The following SLC41A3 variants were observed in gnomAD, a reference collection of about 807,000 sequenced individuals.
The protein encoded by SLC41A3 is SLC41A1-like 2.
In SLC41A3, 44 loss-of-function variants were observed where a neutral mutation model predicts 45.4. The observed-to-expected ratio is 0.97, with a 90% CI of 0.76 to 1.25. The LOEUF (loss-of-function observed/expected upper bound fraction) is 1.25. Among genes scored for constraint, SLC41A3 ranks in the 50% most tolerant of loss-of-function variants. The probability of loss-of-function intolerance (pLI) is 0.00; values close to 1 mark genes in which losing one functional copy is unlikely to be tolerated. For missense variants in SLC41A3, 550 were observed against 600.6 expected, an observed-to-expected ratio of 0.92 and a Z score of 0.88; for synonymous variants, 256 against 252.4, an observed-to-expected ratio of 1.01 and a Z score of -0.13.
intron 4 of SLC41A3, among the ~76,000 whole-genome samples, chr3:126,029,720 G>C (rs1226612859): frequency 6.6e-6 from 1 of 152,150 alleles, no homozygotes; most frequent in African/African-American, 2.4e-5. Context: ...ATGAGTAACT[G>C]TGCAAGAATA....
chr3:126,099,294 C>A (rs1172248512), intron 1 of SLC41A3, among the ~76,000 whole-genome samples: 3 of 152,140 alleles, frequency 2.0e-5, no homozygotes, highest in African/African-American at 7.2e-5. Context: ...CCTGGTGAAG[C>A]ATGGATTATC....
intron 2 of SLC41A3, among the ~76,000 whole-genome samples, chr3:126,066,584 C>T (rs1478880817): frequency 1.3e-5 from 2 of 152,152 alleles, no homozygotes; most frequent in African/African-American, 4.8e-5. Flanking sequence ...ACAAGCATTT[C>T]CCTGTGGTAC....
intron 8 of SLC41A3, among the ~76,000 whole-genome samples, chr3:126,013,520 G>A (rs567519735): frequency 1.7e-4 from 26 of 151,086 alleles, no homozygotes; most frequent in Admixed American, 1.4e-3. Flanking sequence ...CCAAGATCAC[G>A]CCACTGCACT....
Position 126,061,626 on chromosome 3 carries a change from G to A in SLC41A3, c.273+6321C>T, listed in dbSNP as rs148373994. On this transcript the variant is annotated intron_variant, in intron 2 of 10. Coordinates refer to ENST00000360370, the MANE Select transcript of SLC41A3 (RefSeq NM_017836.4). ...CTGCTGTGGCCCTCACCTGTCCAGG[G>A]CTGGGTGTCAAGGGTCCACCATACC... Among the ~76,000 whole-genome samples, 331 of 152,254 alleles carry A rather than the reference G, an allele frequency of 2.2e-3. 2 individuals carry two copies. Among genetic ancestry groups the A allele is most frequent in the African/African-American group, 7.6e-3 (316 of 41,546 alleles).
chr3:126,071,508 A>G (rs1944614832), intron 1 of SLC41A3, among the ~76,000 whole-genome samples: 1 of 152,220 alleles, frequency 6.6e-6, no homozygotes, highest in Non-Finnish European at 1.5e-5. Flanking sequence ...AATTTCAACA[A>G]AAGAAAGAGG....
At chr3:126,077,908 G>A (rs1349411586) in intron 1 of SLC41A3, among the ~76,000 whole-genome samples, 2 of 152,220 alleles carry the variant, frequency 1.3e-5, no homozygotes, top group African/African-American at 2.4e-5. Flanking sequence ...GGCACAGGGA[G>A]GCATCTCGAG....
chr3:126,006,936 T>C lies in SLC41A3; in HGVS notation c.*80A>G, dbSNP rs1175268793. The stretch of plus-strand genomic sequence containing the variant: ...GCAGGGGTCAACCATCCCAAGGACC[T>C]GGCAAGGGAGAAACTGAATTCTGTA... On this transcript the variant is annotated 3_prime_UTR_variant, in exon 11 of 11. Transcript: ENST00000360370. 5.0e-6 allele frequency: 8 copies of C among 1,590,398 alleles called. No individual in the cohort carries two copies. The highest frequency in any genetic ancestry group is 6.9e-6 in the Non-Finnish European group (8 of 1,167,286).
At chr3:126,040,047 G>T (rs1379626307) in intron 3 of SLC41A3, among the ~76,000 whole-genome samples, 3 of 152,198 alleles carry the variant, frequency 2.0e-5, no homozygotes, top group Non-Finnish European at 4.4e-5. Flanking sequence ...GTGTGTACCT[G>T]GAGTATCTGA....
intron 3 of SLC41A3, among the ~76,000 whole-genome samples, chr3:126,046,067 C>A (rs1942938978): frequency 6.8e-6 from 1 of 147,388 alleles, no homozygotes; most frequent in Non-Finnish European, 1.5e-5. Context: ...AAAAAACACC[C>A]AACAAACTAG....
intron 2 of SLC41A3, among the ~76,000 whole-genome samples, chr3:126,065,968 C>A (rs1944327610): frequency 6.6e-6 from 1 of 152,204 alleles, no homozygotes; most frequent in African/African-American, 2.4e-5. Flanking sequence ...CCACAGCAGG[C>A]AGCAGCCCTG....
At chr3:126,089,832 T>C (rs1945456262) in intron 1 of SLC41A3, among the ~76,000 whole-genome samples, 1 of 152,152 alleles carries the variant, frequency 6.6e-6, no homozygotes, top group Admixed American at 6.5e-5. Context: ...TCTTGCTACC[T>C]GGGAATATAA....
intron 6 of SLC41A3, 52 bp downstream of exon 6, chr3:126,022,734 A>G: frequency 6.2e-7 from 1 of 1,607,488 alleles, no homozygotes; most frequent in South Asian, 1.1e-5. Context: ...GACCTGCTCC[A>G]GGGCCCCCCC....
Position 126,006,660 on chromosome 3 carries a change from G to T in SLC41A3, c.*356C>A. 1 of 1,498,068 alleles carries T rather than the reference G, an allele frequency of 6.7e-7. No individual in the cohort carries two copies. Among genetic ancestry groups the T allele is most frequent in the African/African-American group, 1.4e-5 (1 of 71,236 alleles). The allele number at this position is 1,498,068 out of a possible 1,614,324, so 92.8% of individuals were successfully genotyped here. A position where few individuals can be genotyped will look rare whatever the true frequency, so the allele number is the denominator to read the frequency against. Reference sequence around the variant, plus strand: ...GCTCCACCCCAATCTGGGTTGCATGGGCATGGAAAAGAGCAAACACACCCT... The same window carrying T: ...GCTCCACCCCAATCTGGGTTGCATGTGCATGGAAAAGAGCAAACACACCCT... On this transcript the variant is annotated 3_prime_UTR_variant, in exon 11 of 11. Coordinates refer to ENST00000360370, the MANE Select transcript of SLC41A3 (RefSeq NM_017836.4).
At chr3:126,019,564 C>T (rs140473164) in intron 6 of SLC41A3, among the ~76,000 whole-genome samples, 1 of 152,336 alleles carries the variant, frequency 6.6e-6, no homozygotes, top group Non-Finnish European at 1.5e-5. Context: ...AAACAAGCTA[C>T]CTGCTTCTAA....
At chr3:126,032,333 G>A (rs1941859924) in intron 4 of SLC41A3, among the ~76,000 whole-genome samples, 1 of 152,226 alleles carries the variant, frequency 6.6e-6, no homozygotes, top group Non-Finnish European at 1.5e-5. Context: ...AGGCAGGGGA[G>A]GAGGAGGAGA....
chr3:126,055,289 T>A (rs1382540416), intron 2 of SLC41A3, among the ~76,000 whole-genome samples: 1 of 151,850 alleles, frequency 6.6e-6, no homozygotes, highest in African/African-American at 2.4e-5. Context: ...CTGAGGTGGG[T>A]GGATCACGAG....
chr3:126,041,988 T>G (rs903880184), intron 3 of SLC41A3, among the ~76,000 whole-genome samples: 2 of 152,148 alleles, frequency 1.3e-5, no homozygotes, highest in Non-Finnish European at 2.9e-5. Flanking sequence ...ATGGTGCAGT[T>G]GGGAGGAACC....
Position 126,006,963 on chromosome 3 carries a change from C to A in SLC41A3, c.*53G>T. The A allele has an allele frequency of 6.2e-7, 1 of 1,610,222 alleles. No individual in the cohort carries two copies. Among genetic ancestry groups the A allele is most frequent in the South Asian group, 1.1e-5 (1 of 90,544 alleles). ...GCAAGGGAGAAACTGAATTCTGTAT[C>A]CCACTGATGTGAGAGGAAATTCTAA... On this transcript the variant is annotated 3_prime_UTR_variant, in exon 11 of 11. Transcript: ENST00000360370.
chr3:126,034,684 C>A (rs1360352885), intron 3 of SLC41A3, among the ~76,000 whole-genome samples: 2 of 152,198 alleles, frequency 1.3e-5, no homozygotes, highest in Non-Finnish European at 2.9e-5. Flanking sequence ...AATGACTCAC[C>A]CCTCTTCTGC....
Sources: gnomAD v4.1 joint callset for allele counts (sites outside exome capture counted in the v4.1 genomes callset) on GRCh38, gnomAD v4.1.1 for gene constraint, MANE v1.5 for transcripts, NCBI Gene and HGNC (gene_info 2026-07-23, HGNC 2026-07-21) for gene names.